Variants in ARPC3 observed in about 807,000 individuals in gnomAD.
ARPC3 encodes actin-related protein 2/3 complex subunit 3.
ARPC3 carries 12 observed loss-of-function variants against 27.6 expected under a neutral mutation model. The observed-to-expected ratio is 0.43, with a 90% CI of 0.28 to 0.70. ARPC3 has a LOEUF of 0.70. ARPC3 is among the 30% of genes least tolerant of loss of function. ARPC3 has a pLI of 0.17. For synonymous variants in ARPC3, 53 were observed against 67.2 expected (o/e 0.79, Z 1.03); for missense variants, 153 against 207.7 (o/e 0.74, Z 1.62).
Position 110,445,686 on chromosome 12 carries a change from T to C in ARPC3, c.7-135A>G, listed in dbSNP as rs964489836. On this transcript the variant is annotated intron_variant, in intron 1 of 6. Coordinates refer to ENST00000228825, the MANE Select transcript of ARPC3 (RefSeq NM_001278556.2). ...AGGGGAGGGAGAAGGGATAGCAGCA[T>C]TGAGGTGCGAGGGCTGGTTCTTTCT... The C allele has an allele frequency of 1.5e-4, 108 of 726,812 alleles. 1 individual carries two copies. Among genetic ancestry groups the C allele is most frequent in the Middle Eastern group, 1.1e-3 (5 of 4,370 alleles). The allele number at this position is 726,812 out of a possible 1,614,324, so 45.0% of individuals were successfully genotyped here.
At chr12:110,438,998 T>C (rs970648305) in intron 3 of ARPC3, among the ~76,000 whole-genome samples, 2 of 149,208 alleles carry the variant, frequency 1.3e-5, no homozygotes, top group African/African-American at 4.9e-5. Flanking sequence ...AGTTTTTTGT[T>C]TTTTTTTTGA....
intron 2 of ARPC3, 110 bp from the exon 3 acceptor site, chr12:110,440,498 T>C (rs932175432): frequency 1.5e-5 from 11 of 734,996 alleles, no homozygotes; most frequent in African/African-American, 5.3e-5. Context: ...AGTTGTGGAG[T>C]TGAATAAAAT....
intron 2 of ARPC3, among the ~76,000 whole-genome samples, chr12:110,444,484 C>T (rs1182700385): frequency 1.3e-5 from 2 of 152,040 alleles, no homozygotes; most frequent in Non-Finnish European, 2.9e-5. Context: ...GGGGTTTCGC[C>T]ATGTTTGCCA....
intron 2 of ARPC3, 41 bp from the exon 3 acceptor site, chr12:110,440,429 C>T: frequency 1.5e-6 from 2 of 1,361,988 alleles, no homozygotes; most frequent in South Asian, 2.3e-5. Context: ...GAACATTAGC[C>T]AAATACAAAA....
chr12:110,439,554 C>T lies in ARPC3; in HGVS notation c.183+758G>A, dbSNP rs550737050. Among the ~76,000 whole-genome samples, 8 of 151,844 alleles carry T rather than the reference C, an allele frequency of 5.3e-5. No homozygotes were observed. The East Asian group carries it at 9.8e-4, about 19-fold the overall frequency. On this transcript the variant is annotated intron_variant, in intron 3 of 6. Coordinates refer to ENST00000228825, the MANE Select transcript of ARPC3 (RefSeq NM_001278556.2). ...AGGGGCTGAAATTCCATTTTAGGGC[C>T]GGGAGCGGTGGCTCACGCCTGTAAT...
chr12:110,445,537 A>C lies in ARPC3; in HGVS notation c.21T>G (p.Ser7=). 1 of 1,612,752 alleles carries C rather than the reference A, an allele frequency of 6.2e-7. No individual in the cohort carries two copies. Among genetic ancestry groups the C allele is most frequent in the Non-Finnish European group, 8.5e-7 (1 of 1,178,738 alleles). MPAYHS[S]LMDPDTKLIG... ...TGAGTTTGGTATCAGGATCCATGAG[A>C]GAAGAGTGGTAAGCCTGTAATGGCA... Residue 7 remains serine (S), a synonymous_variant, in exon 2 of 7, where the codon TCT becomes TCG. Coordinates refer to ENST00000228825, the MANE Select transcript of ARPC3 (RefSeq NM_001278556.2).
At chr12:110,436,300 T>A (rs535586985) in intron 5 of ARPC3, 96 bp from the exon 6 acceptor site, 2 of 1,147,278 alleles carry the variant, frequency 1.7e-6, no homozygotes, top group Non-Finnish European at 2.6e-6. Context: ...TACATTTTTA[T>A]ACATTTGAAC....
intron 2 of ARPC3, chr12:110,445,036 C>T (rs1157443765): frequency 4.5e-6 from 1 of 220,816 alleles, no homozygotes; most frequent in Non-Finnish European, 9.2e-6. Context: ...TGAGGTATTG[C>T]TAAAAATGAA....
chr12:110,449,279 C>T (rs902752905), intron 1 of ARPC3, among the ~76,000 whole-genome samples: 1 of 151,852 alleles, frequency 6.6e-6, no homozygotes, highest in African/African-American at 2.4e-5. Context: ...AATGTGTGAG[C>T]AGGCTGGGCG....
At chr12:110,438,158 T>C (rs1382296009) in intron 3 of ARPC3, among the ~76,000 whole-genome samples, 3 of 151,860 alleles carry the variant, frequency 2.0e-5, no homozygotes, top group Admixed American at 6.6e-5. Flanking sequence ...TAGCCAGTCA[T>C]GGTGGCGTGC....
At position 110,442,639 on chromosome 12, in the gene ARPC3, A is replaced by G. The variant is rs955415851; in HGVS notation, c.107-2251T>C. ...GTAATAATAAAAAATATATATAATT[A>G]AATAAAATAAAAAGTATTCAATATA... On this transcript the variant is annotated intron_variant, in intron 2 of 6. Coordinates refer to ENST00000228825, the MANE Select transcript of ARPC3 (RefSeq NM_001278556.2). 6 of 151,698 alleles carry G rather than the reference A, an allele frequency of 4.0e-5. No individual in the cohort carries two copies. In the East Asian group the frequency reaches 9.6e-4, roughly 24 times the overall value. 9.4% of individuals were successfully genotyped at this position (151,698 alleles called of 1,614,324 possible).
At chr12:110,445,189 T>C (rs761174944) in intron 2 of ARPC3, 28 of 428,800 alleles carry the variant, frequency 6.5e-5, no homozygotes, top group Non-Finnish European at 1.1e-4. Flanking sequence ...TTGAAAGAAC[T>C]GATAAACAGT....
Position 110,445,568 on chromosome 12 carries a change from A to G in ARPC3, c.7-17T>C, listed in dbSNP as rs372550974. The G allele has an allele frequency of 9.0e-6, 14 of 1,555,716 alleles. No individual in the cohort carries two copies. Among genetic ancestry groups the G allele is most frequent in the East Asian group, 4.5e-5 (2 of 44,606 alleles). Reference sequence around the variant, plus strand: ...GTGGTAAGCCTGTAATGGCAAGCCCAGGAAGAACACAGAAGCAGAAAAAGA... The same window carrying G: ...GTGGTAAGCCTGTAATGGCAAGCCCGGGAAGAACACAGAAGCAGAAAAAGA... On this transcript the variant is annotated splice_polypyrimidine_tract_variant and intron_variant, in intron 1 of 6. Coordinates refer to ENST00000228825, the MANE Select transcript of ARPC3 (RefSeq NM_001278556.2).
chr12:110,443,597 T>G (rs999878558), intron 2 of ARPC3, among the ~76,000 whole-genome samples: 1 of 152,080 alleles, frequency 6.6e-6, no homozygotes, highest in African/African-American at 2.4e-5. Flanking sequence ...CACAGCTAGC[T>G]AATTTTGGTA....
chr12:110,448,876 A>G (rs369697054), intron 1 of ARPC3, among the ~76,000 whole-genome samples: 4 of 149,990 alleles, frequency 2.7e-5, no homozygotes, highest in South Asian at 4.2e-4. Context: ...CCTGGGTTCA[A>G]GCGATTCTCC....
chr12:110,436,387 C>G, intron 5 of ARPC3, 170 bp downstream of exon 5: 1 of 1,265,664 alleles, frequency 7.9e-7, no homozygotes, highest in South Asian at 1.3e-5. Flanking sequence ...TTCTGCATGT[C>G]ATCCTTGTTG....
chr12:110,442,300 C>T (rs1194074322), intron 2 of ARPC3, among the ~76,000 whole-genome samples: 1 of 152,112 alleles, frequency 6.6e-6, no homozygotes, highest in African/African-American at 2.4e-5. Context: ...CTAACTTTAA[C>T]TGCTTCCTAA....
rs556640411 is a variant in ARPC3 at position 110,441,133 on chromosome 12, G to A, written c.107-745C>T. ...GCTGGGATCACAGGCATAAGCCACC[G>A]TGCCCGGCCAAATTTTTTTTTTTTG... On this transcript the variant is annotated intron_variant, in intron 2 of 6. Transcript: ENST00000228825. Among the ~76,000 whole-genome samples the A allele has an allele frequency of 7.6e-4, 114 of 150,594 alleles. 5 individuals are homozygous for A. The South Asian group carries it at 0.023, about 31-fold the overall frequency.
chr12:110,436,064 G>T, intron 6 of ARPC3, 46 bp downstream of exon 6: 1 of 1,426,670 alleles, frequency 7.0e-7, no homozygotes, highest in Non-Finnish European at 9.9e-7. Flanking sequence ...GTGGCTATGG[G>T]ATAAAAGGTG....
Sources: gnomAD v4.1 joint callset for allele counts (sites outside exome capture counted in the v4.1 genomes callset) on GRCh38, gnomAD v4.1.1 for gene constraint, MANE v1.5 for transcripts, NCBI Gene and HGNC (gene_info 2026-07-23, HGNC 2026-07-21) for gene names.